ARHGAP32: variants seen among roughly 807,000 people sequenced by gnomAD.
ARHGAP32 encodes Rho GTPase activating protein 32, also known as rho GTPase-activating protein 32.
In ARHGAP32, 51 loss-of-function variants were observed where a neutral mutation model predicts 186.5. That is an observed-to-expected ratio of 0.27 (90% CI 0.22 to 0.35). ARHGAP32 has a LOEUF of 0.35. ARHGAP32 is among the 10% of genes least tolerant of loss of function. The pLI is 1.00. For synonymous variants in ARHGAP32, 950 were observed against 964.3 expected (o/e 0.99, Z 0.27); for missense variants, 2,186 against 2,623.5 (o/e 0.83, Z 3.64).
chr11:129,137,322 A>C (rs1350342307), intron 2 of ARHGAP32, among the ~76,000 whole-genome samples: 1 of 151,952 alleles, frequency 6.6e-6, no homozygotes, highest in African/African-American at 2.4e-5. Context: ...TGAATGTCTC[A>C]GTTTTGTAGT....
upstream of ARHGAP32, among the ~76,000 whole-genome samples, chr11:129,196,168 T>C (rs1442243965): frequency 3.3e-5 from 5 of 152,232 alleles, no homozygotes; most frequent in Non-Finnish European, 7.3e-5. Flanking sequence ...GAATGAATTT[T>C]TTCGAAGAGA....
chr11:129,193,577 TATATTATATAATATATGTTA>T (rs1565464581), upstream of ARHGAP32, among the ~76,000 whole-genome samples: 5 of 49,636 alleles, frequency 1.0e-4, no homozygotes, highest in South Asian at 7.7e-4. Flanking sequence ...ATAATATATA[TATATTATATAATATATGTTA>T]TATATAATAT....
chr11:128,976,705 T>C (rs770416477), intron 19 of ARHGAP32, 71 bp from the exon 20 acceptor site: 14 of 1,312,948 alleles, frequency 1.1e-5, no homozygotes, highest in Admixed American at 6.9e-5. Context: ...GATCGGTGTT[T>C]TTCTTGATAC....
intron 11 of ARHGAP32, chr11:129,030,530 T>C (rs1276110379): frequency 6.6e-6 from 1 of 152,146 alleles, no homozygotes; most frequent in Non-Finnish European, 1.5e-5. Flanking sequence ...TTCCCTGTTC[T>C]ACTCTTTTCT....
At chr11:128,975,620 G>A (rs183379701) in intron 20 of ARHGAP32, among the ~76,000 whole-genome samples, 6 of 152,028 alleles carry the variant, frequency 3.9e-5, no homozygotes, top group African/African-American at 1.4e-4. Flanking sequence ...CTTCAAGAGT[G>A]GCAGAGAGTA....
chr11:129,121,933 T>C (rs568789296), intron 5 of ARHGAP32, among the ~76,000 whole-genome samples: 1 of 152,152 alleles, frequency 6.6e-6, no homozygotes, highest in South Asian at 2.1e-4. Context: ...ACATCTTCAA[T>C]GCAGCCATTA....
chr11:129,135,241 TG>T (rs1942909156), intron 2 of ARHGAP32, among the ~76,000 whole-genome samples: 1 of 152,324 alleles, frequency 6.6e-6, no homozygotes, highest in African/African-American at 2.4e-5. Context: ...AGGGCAAAGC[TG>T]GAAGACACTA....
chr11:129,086,566 A>T lies in ARHGAP32; in HGVS notation c.531+7055T>A, dbSNP rs182724743. ...GCCGGGCATGGTGGCTCACGCCTGT[A>T]ATCCCAGCACTTTGGGAGGCCAAGG... is the stretch of plus-strand genomic sequence containing the variant. On this transcript the variant is annotated intron_variant, in intron 6 of 22. Coordinates refer to ENST00000682385, the MANE Select transcript of ARHGAP32 (RefSeq NM_001378024.1). 4.8e-3 allele frequency among the ~76,000 whole-genome samples: 737 copies of T among 152,310 alleles called. 12 individuals are homozygous for T. The highest frequency in any genetic ancestry group is 0.017 in the African/African-American group (696 of 41,556).
chr11:129,187,517 A>G (rs955701019), intron 1 of ARHGAP32, among the ~76,000 whole-genome samples: 4 of 152,192 alleles, frequency 2.6e-5, no homozygotes, highest in Admixed American at 2.0e-4. Context: ...AAAATAATTA[A>G]AAGAGTATAA....
intron 1 of ARHGAP32, among the ~76,000 whole-genome samples, chr11:129,199,625 A>C (rs368773783): frequency 1.1e-4 from 17 of 152,370 alleles, no homozygotes; most frequent in African/African-American, 3.8e-4. Flanking sequence ...GATGTATGAA[A>C]ACACCTAGAT....
At chr11:129,062,201 C>A (rs578080311) in intron 10 of ARHGAP32, 79 bp downstream of exon 10, 2 of 1,184,348 alleles carry the variant, frequency 1.7e-6, no homozygotes, top group Non-Finnish European at 2.5e-6. Context: ...CCATTACCAG[C>A]ACATGTAAAC....
chr11:129,032,280 T>C (rs1024722955), intron 11 of ARHGAP32, among the ~76,000 whole-genome samples: 1 of 152,246 alleles, frequency 6.6e-6, no homozygotes, highest in African/African-American at 2.4e-5. Flanking sequence ...CACAGAGTTC[T>C]GCTCCTACCA....
intron 2 of ARHGAP32, 139 bp from the exon 3 acceptor site, chr11:129,125,033 CTGAG>C (rs1942628173): frequency 1.8e-6 from 1 of 545,882 alleles, no homozygotes; most frequent in Non-Finnish European, 3.1e-6. Flanking sequence ...CTTAAAATTA[CTGAG>C]TTTTAATTAT....
chr11:129,112,022 C>T (rs954661959), intron 5 of ARHGAP32, among the ~76,000 whole-genome samples: 1 of 152,140 alleles, frequency 6.6e-6, no homozygotes, highest in Admixed American at 6.6e-5. Context: ...CTCGGCCTCC[C>T]ACCTGAGGTC....
intron 5 of ARHGAP32, among the ~76,000 whole-genome samples, chr11:129,114,125 C>T (rs1591626981): frequency 6.6e-6 from 1 of 152,242 alleles, no homozygotes; most frequent in Non-Finnish European, 1.5e-5. Context: ...CCATCTCCAT[C>T]ACACATTGAT....
At chr11:128,995,631 G>T (rs1175386011) in intron 12 of ARHGAP32, among the ~76,000 whole-genome samples, 1 of 152,236 alleles carries the variant, frequency 6.6e-6, no homozygotes, top group Non-Finnish European at 1.5e-5. Context: ...TTGAGTCCAG[G>T]AGTTCGAGAT....
intron 1 of ARHGAP32, chr11:129,279,006 G>A (rs1358486418): frequency 1.4e-5 from 2 of 147,674 alleles, no homozygotes; most frequent in Non-Finnish European, 3.0e-5. Context: ...ACAACCGAGA[G>A]GCTCCTCCGG....
At chr11:129,040,368 A>AG (rs1464090006) in intron 11 of ARHGAP32, among the ~76,000 whole-genome samples, 13 of 152,134 alleles carry the variant, frequency 8.5e-5, no homozygotes, top group Non-Finnish European at 4.4e-5. Context: ...GTTTCAGATG[A>AG]GGCATTCTGT....
chr11:129,204,590 G>A (rs1056433690), intron 1 of ARHGAP32, among the ~76,000 whole-genome samples: 2 of 152,158 alleles, frequency 1.3e-5, no homozygotes, highest in Non-Finnish European at 2.9e-5. Context: ...AGTTCACTCT[G>A]CTTTGAAGTT....
Sources: gnomAD v4.1 joint callset for allele counts (sites outside exome capture counted in the v4.1 genomes callset) on GRCh38, gnomAD v4.1.1 for gene constraint, MANE v1.5 for transcripts, NCBI Gene and HGNC (gene_info 2026-07-23, HGNC 2026-07-21) for gene names.